The following B3GLCT variants were observed in gnomAD, a reference collection of about 807,000 sequenced individuals.
The protein encoded by B3GLCT is beta 3-glucosyltransferase.
Under a neutral mutation model 63.4 loss-of-function variants are expected in B3GLCT, and 65 were observed. The ratio of observed to expected loss-of-function variants is 1.03; its 90% CI spans 0.84 to 1.26. The LOEUF is 1.26. Among genes scored for constraint, B3GLCT ranks in the 50% most tolerant of loss-of-function variants. The pLI is 0.00. For synonymous variants in B3GLCT, 233 were observed against 219.2 expected (o/e 1.06, Z -0.55); for missense variants, 577 against 604.8 (o/e 0.95, Z 0.48).
chr13:31,323,521 G>T (rs374521152), intron 13 of B3GLCT, among the ~76,000 whole-genome samples: 5 of 152,290 alleles, frequency 3.3e-5, no homozygotes, highest in African/African-American at 1.2e-4. Context: ...AAACCAATCT[G>T]TATTTTAAAA....
chr13:31,322,786 A>C (rs1369105145), intron 13 of B3GLCT, among the ~76,000 whole-genome samples: 3 of 152,154 alleles, frequency 2.0e-5, no homozygotes, highest in Non-Finnish European at 1.5e-5. Context: ...ACAAAAGAAA[A>C]AAAGCATTTT....
intron 14 of B3GLCT, among the ~76,000 whole-genome samples, chr13:31,326,275 CTTTTTTTTTTTTTT>C (rs11415456): frequency 2.6e-5 from 2 of 75,868 alleles, no homozygotes; most frequent in Admixed American, 2.1e-4. Flanking sequence ...AGGTCTTTCC[CTTTTTTTTTTTTTT>C]TTTTTTTTTT....
intron 12 of B3GLCT, among the ~76,000 whole-genome samples, chr13:31,294,584 T>G (rs1873839276): frequency 6.6e-6 from 1 of 152,242 alleles, no homozygotes; most frequent in Non-Finnish European, 1.5e-5. Context: ...TATCCTTTCT[T>G]CCACTTGATC....
At chr13:31,326,638 A>G (rs1466766115) in intron 14 of B3GLCT, among the ~76,000 whole-genome samples, 3 of 151,988 alleles carry the variant, frequency 2.0e-5, no homozygotes, top group Non-Finnish European at 4.4e-5. Flanking sequence ...GATGCCTACC[A>G]CACTCTGTGT....
chr13:31,247,025 GC>G lies in B3GLCT; in HGVS notation c.274del (p.Leu92SerfsTer28). ...LKQAADLTQE[L>X]PSVLLLHQLA... is the part of the protein sequence containing the mutation. ...TTCTTTGATCATTGTTTTCTCAGGAGCTCCCCAGTGTCCTCCTCCTTCATCA... is the reference window on the plus strand; with the variant it reads ...TTCTTTGATCATTGTTTTCTCAGGAGTCCCCAGTGTCCTCCTCCTTCATCA... On this transcript the variant is annotated frameshift_variant, in exon 5 of 15. Coordinates refer to ENST00000343307, the MANE Select transcript of B3GLCT (RefSeq NM_194318.4). LOFTEE classifies it high-confidence loss of function. The G allele has an allele frequency of 6.2e-7, 1 of 1,607,536 alleles. No homozygotes were observed. Among genetic ancestry groups the G allele is most frequent in the African/African-American group, 1.4e-5 (1 of 73,316 alleles).
intron 13 of B3GLCT, among the ~76,000 whole-genome samples, chr13:31,320,005 C>T (rs1330655146): frequency 6.6e-6 from 1 of 152,174 alleles, no homozygotes; most frequent in Non-Finnish European, 1.5e-5. Flanking sequence ...TCCATCAATA[C>T]TTCTCTCTAC....
intron 4 of B3GLCT, among the ~76,000 whole-genome samples, chr13:31,233,283 A>G (rs1870473660): frequency 6.6e-6 from 1 of 152,206 alleles, no homozygotes. Context: ...AAAATTAGGT[A>G]TGAGTTGGTT....
At position 31,256,135 on chromosome 13, in the gene B3GLCT, CA is replaced by C. The variant is rs1871727105; in HGVS notation, c.460-4810del. On this transcript the variant is annotated intron_variant, in intron 6 of 14. Transcript: ENST00000343307. Reference sequence around the variant, plus strand: ...TCAAAAAGTAGGCAGAGGATGTGAACAGACAATTCTCAAGACATTTATGCAG... The same window carrying C: ...TCAAAAAGTAGGCAGAGGATGTGAACGACAATTCTCAAGACATTTATGCAG... Among the ~76,000 whole-genome samples the C allele has an allele frequency of 2.0e-5, 3 of 152,270 alleles. No homozygotes were observed. The South Asian group carries it at 6.2e-4, about 32-fold the overall frequency.
intron 13 of B3GLCT, 122 bp from the exon 14 acceptor site, chr13:31,323,629 A>C: frequency 2.7e-6 from 3 of 1,115,892 alleles, no homozygotes; most frequent in Non-Finnish European, 4.1e-6. Flanking sequence ...CTCAGTAACT[A>C]GAGAAAGCTA....
At chr13:31,255,054 A>AG (rs1871663616) in intron 6 of B3GLCT, among the ~76,000 whole-genome samples, 2 of 145,840 alleles carry the variant, frequency 1.4e-5, no homozygotes, top group South Asian at 2.2e-4. Context: ...AAAAAAAAAA[A>AG]GAAAACCCCA....
chr13:31,302,018 T>C (rs568751693), intron 12 of B3GLCT, among the ~76,000 whole-genome samples: 52 of 152,350 alleles, frequency 3.4e-4, no homozygotes, highest in African/African-American at 1.2e-3. Flanking sequence ...ATTCATCTTA[T>C]TTCTTACAAA....
chr13:31,232,024 T>G (rs1870405843), intron 4 of B3GLCT, among the ~76,000 whole-genome samples: 1 of 152,188 alleles, frequency 6.6e-6, no homozygotes, highest in Admixed American at 6.5e-5. Flanking sequence ...GGCAAGATGG[T>G]AGGCAGCTGA....
intron 3 of B3GLCT, among the ~76,000 whole-genome samples, chr13:31,224,501 T>C (rs551986467): frequency 1.2e-4 from 18 of 152,262 alleles, no homozygotes; most frequent in Admixed American, 5.2e-4. Context: ...GTCACAATCT[T>C]TGTGTGAGCC....
chr13:31,253,517 C>T (rs528743830), intron 6 of B3GLCT, among the ~76,000 whole-genome samples: 8 of 139,928 alleles, frequency 5.7e-5, no homozygotes, highest in Admixed American at 1.6e-4. Flanking sequence ...GGCGTGAACC[C>T]GGCAGGTGGA....
intron 1 of B3GLCT, among the ~76,000 whole-genome samples, chr13:31,209,043 G>A (rs1275233396): frequency 6.6e-6 from 1 of 152,126 alleles, no homozygotes; most frequent in Non-Finnish European, 1.5e-5. Context: ...TGTTGACCCT[G>A]CCATTGGCCT....
intron 2 of B3GLCT, among the ~76,000 whole-genome samples, chr13:31,216,653 C>G (rs554273832): frequency 1.3e-5 from 2 of 152,280 alleles, no homozygotes; most frequent in East Asian, 3.9e-4. Context: ...TATTTGTGTC[C>G]ATGTGTACAC....
chr13:31,294,707 T>C (rs1052111424), intron 12 of B3GLCT, among the ~76,000 whole-genome samples: 2 of 152,092 alleles, frequency 1.3e-5, no homozygotes, highest in Non-Finnish European at 2.9e-5. Flanking sequence ...TAGCAATTCG[T>C]CTAACCTTTT....
intron 1 of B3GLCT, among the ~76,000 whole-genome samples, 194 bp downstream of exon 1, chr13:31,200,348 G>C (rs965316900): frequency 6.7e-6 from 1 of 148,846 alleles, no homozygotes; most frequent in Non-Finnish European, 1.5e-5. Flanking sequence ...GGTGGGACCC[G>C]GGCCCGGGAC....
intron 12 of B3GLCT, among the ~76,000 whole-genome samples, chr13:31,302,619 C>T (rs1183608311): frequency 1.5e-5 from 1 of 67,752 alleles, no homozygotes; most frequent in African/African-American, 5.4e-5. Flanking sequence ...CTTTTCAGAC[C>T]GGCTTAAGAA....
Sources: allele counts gnomAD v4.1 joint callset (sites outside exome capture counted in the v4.1 genomes callset), GRCh38; gene constraint gnomAD v4.1.1; transcripts MANE v1.5; gene names NCBI Gene and HGNC (gene_info 2026-07-23, HGNC 2026-07-21).